KCNQ3: variants seen among roughly 807,000 people sequenced by gnomAD.
KCNQ3 encodes the protein potassium voltage-gated channel subfamily KQT member 3.
Under a neutral mutation model 92.5 loss-of-function variants are expected in KCNQ3, and 30 were observed. The ratio of observed to expected loss-of-function variants is 0.32; its 90% CI spans 0.24 to 0.44. The LOEUF is 0.44. Among genes scored for constraint, KCNQ3 ranks in the 20% least tolerant of loss-of-function variants. KCNQ3 has a pLI of 1.00. For missense variants in KCNQ3, 913 were observed against 1,140.3 expected (o/e 0.80, Z 2.87); for synonymous variants, 450 against 468.8 (o/e 0.96, Z 0.52).
intron 1 of KCNQ3, among the ~76,000 whole-genome samples, chr8:132,257,578 T>C (rs1033090575): frequency 6.6e-6 from 1 of 151,582 alleles, no homozygotes; most frequent in Non-Finnish European, 1.5e-5. Flanking sequence ...ACCCCATCTC[T>C]ACTAAAAAAA....
At chr8:132,309,705 C>G (rs1291291059) in intron 1 of KCNQ3, among the ~76,000 whole-genome samples, 4 of 152,214 alleles carry the variant, frequency 2.6e-5, no homozygotes, top group Non-Finnish European at 4.4e-5. Context: ...ATTTCACCAA[C>G]ACAGAACTGG....
intron 1 of KCNQ3, among the ~76,000 whole-genome samples, chr8:132,317,324 A>C (rs1817771845): frequency 1.3e-5 from 2 of 152,194 alleles, no homozygotes; most frequent in Admixed American, 6.5e-5. Flanking sequence ...TTCTTAAAAC[A>C]TGCCTAAAAA....
chr8:132,294,000 G>GTTTTTTTTTTTGTGTGTGTGGTTT (rs1816940380), intron 1 of KCNQ3, among the ~76,000 whole-genome samples: 1 of 124,192 alleles, frequency 8.1e-6, no homozygotes, highest in Non-Finnish European at 1.6e-5. Flanking sequence ...TGTGTGTGTG[G>GTTTTTTTTTTTGTGTGTGTGGTTT]TTTTTTTTTT....
chr8:132,217,722 A>AAAC lies in KCNQ3; in HGVS notation c.387-31542_387-31541insGTT, dbSNP rs1814085199. 3.3e-5 allele frequency among the ~76,000 whole-genome samples: 5 copies of AAAC among 151,486 alleles called. No individual in the cohort carries two copies. The East Asian group carries it at 7.8e-4, about 23-fold the overall frequency. ...TGAGGCTCTGTCTCAAAAAAAAAAA[A>AAAC]AAAAAAAACAAAACACTGGGAGTCT... On this transcript the variant is annotated intron_variant, in intron 1 of 14. Transcript: ENST00000388996.
At chr8:132,380,300 C>G (rs1022984246) in intron 1 of KCNQ3, among the ~76,000 whole-genome samples, 2 of 152,130 alleles carry the variant, frequency 1.3e-5, no homozygotes, top group African/African-American at 4.8e-5. Flanking sequence ...GTGGGGCTAC[C>G]ACAGAGCACA....
chr8:132,369,573 GCA>G (rs3049658), intron 1 of KCNQ3, among the ~76,000 whole-genome samples: 53,818 of 147,888 alleles, frequency 0.36, 11,740 homozygotes, highest in African/African-American at 0.63. Context: ...TGCTCAAACA[GCA>G]CACACACACA....
intron 1 of KCNQ3, among the ~76,000 whole-genome samples, chr8:132,205,539 C>T (rs1041410655): frequency 6.6e-6 from 1 of 152,188 alleles, no homozygotes; most frequent in African/African-American, 2.4e-5. Flanking sequence ...AAAAGCAGTG[C>T]AGACTTGGGG....
rs1291970313 is a variant in KCNQ3, at chr8:132,158,704, A to C, written c.1262+4764T>G. Among the ~76,000 whole-genome samples the C allele has an allele frequency of 2.0e-5, 3 of 152,316 alleles. No homozygotes were observed. In the East Asian group the frequency reaches 5.8e-4, roughly 29 times the overall value. The stretch of plus-strand genomic sequence containing the variant: ...CTTATCTATCTGACCTCAGTTTCTC[A>C]TCTATAAAATGGGGATTAAAAATAG... On this transcript the variant is annotated intron_variant, in intron 9 of 14. Transcript: ENST00000388996.
intron 1 of KCNQ3, among the ~76,000 whole-genome samples, chr8:132,437,002 G>A (rs1450328371): frequency 2.6e-5 from 4 of 152,262 alleles, no homozygotes; most frequent in South Asian, 2.1e-4. Flanking sequence ...GTGGTGGGCC[G>A]GGCGCGGTGG....
chr8:132,269,696 G>C (rs1816093997), intron 1 of KCNQ3, among the ~76,000 whole-genome samples: 1 of 152,150 alleles, frequency 6.6e-6, no homozygotes, highest in Non-Finnish European at 1.5e-5. Flanking sequence ...GTGACAGCTA[G>C]CATTGTCTTA....
Position 132,352,997 on chromosome 8 carries a change from C to T in KCNQ3, c.386+127150G>A, listed in dbSNP as rs550974863. On this transcript the variant is annotated intron_variant, in intron 1 of 14. Coordinates refer to ENST00000388996, the MANE Select transcript of KCNQ3 (RefSeq NM_004519.4). ...ATCCCAGCACTTTGGGAGGTCGAGG[C>T]GGGTGGATCACGAGGTCAGGAGTTT... is the stretch of plus-strand genomic sequence containing the variant. Among the ~76,000 whole-genome samples the T allele has an allele frequency of 3.3e-5, 5 of 152,096 alleles. No homozygotes were observed. In the East Asian group the frequency reaches 5.8e-4, roughly 18 times the overall value.
intron 1 of KCNQ3, among the ~76,000 whole-genome samples, chr8:132,404,445 T>C (rs1820427035): frequency 6.6e-6 from 1 of 152,204 alleles, no homozygotes; most frequent in Admixed American, 6.5e-5. Flanking sequence ...AATGGGAAAG[T>C]ATCCAAGATA....
intron 1 of KCNQ3, among the ~76,000 whole-genome samples, chr8:132,358,471 T>A (rs534542156): frequency 6.6e-6 from 1 of 152,184 alleles, no homozygotes; most frequent in Non-Finnish European, 1.5e-5. Flanking sequence ...AGAAGGCTCA[T>A]TGGGTAATGT....
At chr8:132,474,781 G>A (rs1822371225) in intron 1 of KCNQ3, among the ~76,000 whole-genome samples, 1 of 152,138 alleles carries the variant, frequency 6.6e-6, no homozygotes, top group Non-Finnish European at 1.5e-5. Flanking sequence ...CAGACAAGCA[G>A]AGATCAATCA....
intron 1 of KCNQ3, among the ~76,000 whole-genome samples, chr8:132,391,978 T>C (rs914496883): frequency 3.9e-5 from 6 of 152,230 alleles, no homozygotes; most frequent in Non-Finnish European, 7.3e-5. Context: ...ACACTGTGTG[T>C]CTGCATGCCA....
At chr8:132,401,796 A>C (rs1233799820) in intron 1 of KCNQ3, among the ~76,000 whole-genome samples, 1 of 152,176 alleles carries the variant, frequency 6.6e-6, no homozygotes, top group Non-Finnish European at 1.5e-5. Context: ...GCAAAACGAA[A>C]TACTTGAGGT....
chr8:132,217,210 G>A (rs1814059573), intron 1 of KCNQ3, among the ~76,000 whole-genome samples: 1 of 152,176 alleles, frequency 6.6e-6, no homozygotes, highest in African/African-American at 2.4e-5. Context: ...AACATGACAG[G>A]TGATTGTTAA....
intron 1 of KCNQ3, among the ~76,000 whole-genome samples, chr8:132,326,806 C>T (rs2130650301): frequency 6.6e-6 from 1 of 152,334 alleles, no homozygotes; most frequent in East Asian, 1.9e-4. Context: ...TTATAAACAA[C>T]CCAGTCCCAG....
intron 1 of KCNQ3, among the ~76,000 whole-genome samples, chr8:132,417,332 C>A (rs1311469725): frequency 6.6e-6 from 1 of 152,024 alleles, no homozygotes; most frequent in African/African-American, 2.4e-5. Flanking sequence ...GAGCTGTGGC[C>A]CACAACAGCC....
Sources: gnomAD v4.1 joint callset for allele counts (sites outside exome capture counted in the v4.1 genomes callset) on GRCh38, gnomAD v4.1.1 for gene constraint, MANE v1.5 for transcripts, NCBI Gene and HGNC (gene_info 2026-07-23, HGNC 2026-07-21) for gene names.